The following AIRE variants were observed in gnomAD, a reference collection of about 807,000 sequenced individuals.
The protein encoded by AIRE is autoimmune polyendocrinopathy candidiasis ectodermal dystrophy protein.
In AIRE, 52 loss-of-function variants were observed where a neutral mutation model predicts 62.1. That is an observed-to-expected ratio of 0.84 (90% CI 0.67 to 1.06). AIRE has a LOEUF of 1.06. Among genes scored for constraint, AIRE ranks in the 50% least tolerant of loss-of-function variants. AIRE has a pLI of 0.00. For missense variants in AIRE, 774 were observed against 755.8 expected (o/e 1.02, Z -0.28); for synonymous variants, 342 against 321.6 (o/e 1.06, Z -0.68).
intron 7 of AIRE, chr21:44,290,518 G>A: frequency 7.7e-6 from 7 of 907,356 alleles, no homozygotes; most frequent in Non-Finnish European, 9.2e-6. Flanking sequence ...GTGGGGCCCT[G>A]GCACTTAGCA....
chr21:44,296,398 C>A lies in AIRE; in HGVS notation c.1519C>A (p.His507Asn). 1 of 1,612,606 alleles carries A rather than the reference C, an allele frequency of 6.2e-7. No homozygotes were observed. Residue 507 changes from histidine (H) to asparagine (N), a missense_variant, in exon 13 of 14, where the codon CAC becomes AAC. Physicochemically the swap from His to Asn is moderately conservative, Grantham distance 68. Transcript: ENST00000291582. ...TGGGTTCCAGGATGACACTGCCAGT[C>A]ACGAGCCCGCTCTGCACAGGGATGA... ...PGPAKDDTAS[H>N]EPALHRDDLE... is the part of the protein sequence containing the mutation.
At chr21:44,289,571 G>A (rs2040514935) in intron 5 of AIRE, 86 bp from the exon 6 acceptor site, 1 of 1,577,408 alleles carries the variant, frequency 6.3e-7, no homozygotes, top group African/African-American at 1.3e-5. Context: ...ACCTGTCTCT[G>A]CTAGACCCCA....
intron 8 of AIRE, among the ~76,000 whole-genome samples, chr21:44,291,632 T>G (rs1430960669): frequency 1.4e-5 from 2 of 147,596 alleles, no homozygotes; most frequent in African/African-American, 4.9e-5. Flanking sequence ...TGTCCACCAA[T>G]GCACAGGACG....
rs772221175 is a variant in AIRE at position 44,288,464 on chromosome 21, C to T, written c.652+6C>T. 110 of 1,585,030 alleles carry T rather than the reference C, an allele frequency of 6.9e-5. No individual in the cohort carries two copies. The Admixed American group carries it at 9.2e-4, about 13-fold the overall frequency. ...CCAGCAGGTGTTTGAGTCAGGTAGACGCTGTGGCGGGGAGATGGGGCTGAT... is the reference window on the plus strand; with the variant it reads ...CCAGCAGGTGTTTGAGTCAGGTAGATGCTGTGGCGGGGAGATGGGGCTGAT... On this transcript the variant is annotated splice_donor_region_variant and intron_variant, in intron 5 of 13. Transcript: ENST00000291582.
chr21:44,294,568 T>C (rs1601970773), intron 12 of AIRE, 65 bp downstream of exon 12: 2 of 929,236 alleles, frequency 2.2e-6, no homozygotes, highest in East Asian at 5.7e-5. Flanking sequence ...TGGGTTGGTG[T>C]TGGGGGAGCA....
rs1403182091 is a variant in AIRE at position 44,289,596 on chromosome 21, C to T, written c.653-61C>T. 177 of 1,606,998 alleles carry T rather than the reference C, an allele frequency of 1.1e-4. 1 individual carries two copies. The East Asian group carries it at 2.9e-3, about 26-fold the overall frequency. ...GCTAGACCCCACCCTGGGGCCTACA[C>T]GACTGCCAAGGCAGGTCCTGCTGGG... On this transcript the variant is annotated intron_variant, in intron 5 of 13. Coordinates refer to ENST00000291582, the MANE Select transcript of AIRE (RefSeq NM_000383.4).
In AIRE at chr21:44,296,442, C is replaced by A. The variant is rs746873146; in HGVS notation, c.1563C>A (p.Ser521Arg). ...GGGATGACCTGGAGTCCCTTCTGAG[C>A]GAGGTAACGCCTCCCCTGGCCTCCT... The part of the protein sequence containing the change: ...LHRDDLESLL[S>R]EHTFDGILQW... The change falls in exon 13 of 14, where the codon AGC becomes AGA. Residue 521 changes from serine to arginine, a missense_variant. By Grantham distance (110) the Ser-to-Arg change is moderately radical. This residue lies in a region of AIRE where 354 missense variants were observed against 296.1 expected (regional missense o/e 1.20). Coordinates refer to ENST00000291582, the MANE Select transcript of AIRE (RefSeq NM_000383.4). 17 of 1,612,110 alleles carry A rather than the reference C, an allele frequency of 1.1e-5. No individual in the cohort carries two copies. Among genetic ancestry groups the A allele is most frequent in the Non-Finnish European group, 1.4e-5 (17 of 1,179,532 alleles).
At chr21:44,293,961 A>G in intron 11 of AIRE, 51 bp downstream of exon 11, 1 of 1,556,354 alleles carries the variant, frequency 6.4e-7, no homozygotes, top group South Asian at 1.1e-5. Flanking sequence ...CACACCCTAC[A>G]CCCCACCCCA....
In AIRE at chr21:44,286,638, A is replaced by G; in HGVS notation, c.214A>G (p.Thr72Ala). 6.2e-7 allele frequency: 1 copy of G among 1,612,986 alleles called. No homozygotes were observed. Among genetic ancestry groups the G allele is most frequent in the Non-Finnish European group, 8.5e-7 (1 of 1,179,974 alleles). The change falls in exon 2 of 14, where the codon ACA becomes GCA. Residue 72 changes from threonine (T) to alanine (A), a missense_variant. Physicochemically the swap from Thr to Ala is moderately conservative, Grantham distance 58. This residue lies in a region of AIRE where 385 missense variants were observed against 396.0 expected (regional missense o/e 0.97). Transcript: ENST00000291582. The surrounding 1 kb of genome is among the most constrained non-coding windows in gnomAD (Gnocchi z 6.0). ...GTCCTGGCTGCTGACCCAGGACTCC[A>G]CAGCCATCCTGGACTTCTGGAGGGT... ...LLSWLLTQDS[T>A]AILDFWRVLF...
intron 9 of AIRE, among the ~76,000 whole-genome samples, 191 bp from the exon 10 acceptor site, chr21:44,292,800 CAG>C (rs2040556442): frequency 1.3e-5 from 2 of 152,084 alleles, no homozygotes; most frequent in Admixed American, 1.3e-4. Flanking sequence ...GGGAGGACCA[CAG>C]AGCCAGGAAG....
chr21:44,287,161 A>C lies in AIRE; in HGVS notation c.463+28A>C. 1 of 1,610,402 alleles carries C rather than the reference A, an allele frequency of 6.2e-7. No homozygotes were observed. On this transcript the variant is annotated intron_variant, in intron 3 of 13. Coordinates refer to ENST00000291582, the MANE Select transcript of AIRE (RefSeq NM_000383.4). This position sits in a 1 kb window ranked among gnomAD's most constrained non-coding sequence, Gnocchi z 4.3. ...ACCCTCCCTGCAGGGGAAGCCAGCCAGGGTCTCCAGTCTTCCCGGGCTTCC... is the reference window on the plus strand; with the variant it reads ...ACCCTCCCTGCAGGGGAAGCCAGCCCGGGTCTCCAGTCTTCCCGGGCTTCC...
rs201602355 is a variant in AIRE at position 44,296,395 on chromosome 21, A to G, written c.1516A>G (p.Ser506Gly). Residue 506 changes from serine (S) to glycine (G), a missense_variant, in exon 13 of 14, where the codon AGT becomes GGT. By Grantham distance (56) the Ser-to-Gly change is moderately conservative (BLOSUM62 0). Transcript: ENST00000291582. ...APGPAKDDTA[S>G]HEPALHRDDL... ...TACTGGGTTCCAGGATGACACTGCC[A>G]GTCACGAGCCCGCTCTGCACAGGGA... is the stretch of plus-strand genomic sequence containing the variant. 57 of 1,612,358 alleles carry G rather than the reference A, an allele frequency of 3.5e-5. No individual in the cohort carries two copies. The highest frequency in any genetic ancestry group is 4.6e-5 in the Non-Finnish European group (54 of 1,179,762).
chr21:44,293,898 C>G lies in AIRE; in HGVS notation c.1388C>G (p.Thr463Ser). 1 of 1,596,714 alleles carries G rather than the reference C, an allele frequency of 6.3e-7. No individual in the cohort carries two copies. Among genetic ancestry groups the G allele is most frequent in the Non-Finnish European group, 8.5e-7 (1 of 1,179,516 alleles). ...FHWRCHFPAG[T>S]SRPGTGLRCR... ...TGGCGCTGCCACTTCCCAGCCGGCA[C>G]CTCCCGGCCCGGGTGAGTGAGCGTG... The change falls in exon 11 of 14, where the codon ACC becomes AGC. Residue 463 changes from threonine to serine, a missense_variant. This residue lies in a region of AIRE where 354 missense variants were observed against 296.1 expected (regional missense o/e 1.20). Transcript: ENST00000291582.
At chr21:44,294,828 C>T (rs532345194) in intron 12 of AIRE, among the ~76,000 whole-genome samples, 355 of 152,220 alleles carry the variant, frequency 2.3e-3, no homozygotes, top group African/African-American at 8.2e-3. Flanking sequence ...CGGGAGCGCC[C>T]GGCCTGCAGG....
rs1321647540 is a variant in AIRE, at chr21:44,292,334, C to T, written c.1028C>T (p.Ala343Val). 1 of 1,577,968 alleles carries T rather than the reference C, an allele frequency of 6.3e-7. No individual in the cohort carries two copies. The highest frequency in any genetic ancestry group is 1.2e-5 in the South Asian group (1 of 86,040). Residue 343 changes from alanine to valine, a missense_variant, in exon 9 of 14, where the codon GCA (alanine) becomes GTA (valine). Around this residue, in one of 3 missense-constraint regions of AIRE, gnomAD observed 354 missense variants for 296.1 expected, o/e 1.20. Transcript: ENST00000291582. ...GTWRCSSCLQ[A>V]TVQEVQPRAE... is the part of the protein sequence containing the mutation. ...TGGAGGTGCTCCAGCTGCCTGCAGG[C>T]AACAGTCCAGGAGGTGCAGCCCCGG... is the stretch of plus-strand genomic sequence containing the variant.
At chr21:44,290,584 G>T in intron 7 of AIRE, 14 of 720,412 alleles carry the variant, frequency 1.9e-5, no homozygotes, top group Non-Finnish European at 2.4e-5. Context: ...GCGTCTGGGG[G>T]ATTGTTAGAA....
At chr21:44,293,698 G>A in intron 10 of AIRE, 91 bp from the exon 11 acceptor site, 2 of 1,566,812 alleles carry the variant, frequency 1.3e-6, no homozygotes, top group East Asian at 2.3e-5. Context: ...AGCCCTGGGT[G>A]GTCCCAGGGG....
intron 7 of AIRE, chr21:44,290,878 A>G (rs775611325): frequency 1.5e-5 from 24 of 1,606,144 alleles, no homozygotes; most frequent in Admixed American, 3.3e-5. Flanking sequence ...TCTTCCCAAT[A>G]GGGATGGCCC....
rs1048103403 is a variant in AIRE at position 44,289,457 on chromosome 21, G to A, written c.653-200G>A. 25 of 645,946 alleles carry A rather than the reference G, an allele frequency of 3.9e-5. 1 individual carries two copies. In the East Asian group the frequency reaches 4.4e-4, roughly 11 times the overall value. The allele number at this position is 645,946 out of a possible 1,614,324, so 40.0% of individuals were successfully genotyped here. ...GAGGTTCTGGGTGGACGTGAACTTCGGGGGACGCTGTTGAACACCCTGGTG... is the reference window on the plus strand; with the variant it reads ...GAGGTTCTGGGTGGACGTGAACTTCAGGGGACGCTGTTGAACACCCTGGTG... On this transcript the variant is annotated intron_variant, in intron 5 of 13. Transcript: ENST00000291582.
Sources: allele counts gnomAD v4.1 joint callset (sites outside exome capture counted in the v4.1 genomes callset), GRCh38; gene constraint gnomAD v4.1.1; regional missense constraint gnomAD v4.1.1; non-coding constraint Gnocchi (gnomAD v3.1); transcripts MANE v1.5; gene names NCBI Gene and HGNC (gene_info 2026-07-23, HGNC 2026-07-21).